Variants in CEP170 observed in about 807,000 individuals in gnomAD.
The protein encoded by CEP170 is centrosomal protein 170, also known as centrosomal protein of 170 kDa.
CEP170 carries 21 observed loss-of-function variants against 151.9 expected under a neutral mutation model. That is an observed-to-expected ratio of 0.14 (90% CI 0.10 to 0.20). CEP170 has a LOEUF of 0.20. Among genes scored for constraint, CEP170 ranks in the 10% least tolerant of loss-of-function variants. CEP170 has a pLI of 1.00. For missense variants in CEP170, 964 were observed against 1,892.9 expected (o/e 0.51, Z 9.11); for synonymous variants, 356 against 648.8 (o/e 0.55, Z 6.86).
intron 10 of CEP170, among the ~76,000 whole-genome samples, chr1:243,178,308 C>CAAAAAAAAAAAA (rs869094317): frequency 2.6e-4 from 8 of 30,426 alleles, no homozygotes; most frequent in African/African-American, 1.3e-3. Flanking sequence ...GACTCTGCCT[C>CAAAAAAAAAAAA]AAAAAAAAAA....
chr1:243,191,713 G>A (rs1293201293), intron 7 of CEP170, among the ~76,000 whole-genome samples: 2 of 152,114 alleles, frequency 1.3e-5, no homozygotes, highest in African/African-American at 4.8e-5. Flanking sequence ...TGGAAGATAA[G>A]CAGCAGCAAT....
At chr1:243,141,936 T>C (rs2728235) in intron 15 of CEP170, among the ~76,000 whole-genome samples, 2 of 152,208 alleles carry the variant, frequency 1.3e-5, no homozygotes, top group Non-Finnish European at 2.9e-5. Context: ...AGTTAACTAG[T>C]GATAAAAATA....
Position 243,186,303 on chromosome 1 carries a change from G to A in CEP170, c.1228C>T (p.Leu410=), listed in dbSNP as rs774509701. 6.2e-7 allele frequency: 1 copy of A among 1,613,758 alleles called. No homozygotes were observed. The highest frequency in any genetic ancestry group is 1.3e-5 in the African/African-American group (1 of 75,042). The change falls in exon 9 of 20, where the codon CTA becomes TTA. Residue 410 remains leucine, a synonymous_variant. Transcript: ENST00000366542. ...LRRHHSEHKK[L]QKVQATEKHQ... ...TTTTCAGTAGCCTGGACCTTCTGTA[G>A]CTTTTTGTGTTCTGAATGGTGGCGT...
intron 14 of CEP170, among the ~76,000 whole-genome samples, chr1:243,155,136 C>T (rs2057432681): frequency 6.6e-6 from 1 of 152,178 alleles, no homozygotes; most frequent in African/African-American, 2.4e-5. Flanking sequence ...TCATTAATTA[C>T]TCTCCTAAAA....
At chr1:243,230,420 A>G (rs2063636696) in intron 1 of CEP170, among the ~76,000 whole-genome samples, 1 of 152,216 alleles carries the variant, frequency 6.6e-6, no homozygotes, top group African/African-American at 2.4e-5. Flanking sequence ...GTTAAAGCCC[A>G]TTGTAGTTAT....
intron 16 of CEP170, among the ~76,000 whole-genome samples, chr1:243,137,297 A>AT (rs2055208612): frequency 6.6e-6 from 1 of 152,214 alleles, no homozygotes; most frequent in Admixed American, 6.5e-5. Flanking sequence ...AACTCCTTAT[A>AT]TTGTCAGTAC....
Position 243,148,606 on chromosome 1 carries a change from G to A in CEP170, c.3912-6143C>T, listed in dbSNP as rs570296898. On this transcript the variant is annotated intron_variant, in intron 14 of 19. Coordinates refer to ENST00000366542, the MANE Select transcript of CEP170 (RefSeq NM_014812.3). ...TAACATAATTTTAAAAATTTATTTAGTATTTACAAAGCAATAGTTATGAAT... is the reference window on the plus strand; with the variant it reads ...TAACATAATTTTAAAAATTTATTTAATATTTACAAAGCAATAGTTATGAAT... Among the ~76,000 whole-genome samples the A allele has an allele frequency of 3.8e-4, 58 of 152,138 alleles. No homozygotes were observed. In the Middle Eastern group the frequency reaches 0.01, roughly 27 times the overall value.
rs1489126357 is a variant in CEP170, at chr1:243,255,250, C to A, written c.-252G>T. On this transcript the variant is annotated 5_prime_UTR_variant, in exon 1 of 20. Coordinates refer to ENST00000366542, the MANE Select transcript of CEP170 (RefSeq NM_014812.3). ...CACACATAGCGGTAACGGCAAAGAC[C>A]GACTGCCTAGTGCGCAGGCGCCTCG... 3 of 152,848 alleles carry A rather than the reference C, an allele frequency of 2.0e-5. No homozygotes were observed. Among genetic ancestry groups the A allele is most frequent in the Non-Finnish European group, 2.9e-5 (2 of 68,180 alleles). 9.5% of individuals were successfully genotyped at this position (152,848 alleles called of 1,614,324 possible). A position where few individuals can be genotyped will look rare whatever the true frequency, so the allele number is the denominator to read the frequency against.
At chr1:243,196,568 C>G (rs2060661231) in intron 7 of CEP170, among the ~76,000 whole-genome samples, 1 of 152,072 alleles carries the variant, frequency 6.6e-6, no homozygotes, top group Admixed American at 6.6e-5. Context: ...ATTTCAAAAG[C>G]TGTTTTGTGT....
At chr1:243,192,114 C>G (rs981231128) in intron 7 of CEP170, among the ~76,000 whole-genome samples, 1 of 152,124 alleles carries the variant, frequency 6.6e-6, no homozygotes, top group Non-Finnish European at 1.5e-5. Context: ...AAGATACAAA[C>G]ATTTTATAAA....
At chr1:243,160,597 T>C (rs1369367119) in intron 13 of CEP170, among the ~76,000 whole-genome samples, 2 of 152,174 alleles carry the variant, frequency 1.3e-5, no homozygotes, top group Non-Finnish European at 2.9e-5. Flanking sequence ...CATACAACTA[T>C]AGATTTTGCA....
chr1:243,156,335 G>C lies in CEP170; in HGVS notation c.3797C>G (p.Thr1266Ser), dbSNP rs2057549537. The change falls in exon 14 of 20, where the codon ACT becomes AGT. Residue 1266 changes from threonine (T) to serine (S), a missense_variant. Transcript: ENST00000366542. ...RLRTSPALKT[T>S]RLQSAGSAMP... ...TGCTGATCCAGCGCTCTGCAAGCGA[G>C]TGGTTTTCAGGGCTGGAGAAGTACG... 2.5e-6 allele frequency: 4 copies of C among 1,586,670 alleles called. No homozygotes were observed. The highest frequency in any genetic ancestry group is 3.4e-6 in the Non-Finnish European group (4 of 1,166,392).
chr1:243,201,100 A>G (rs1311124671), intron 4 of CEP170, among the ~76,000 whole-genome samples: 1 of 152,152 alleles, frequency 6.6e-6, no homozygotes, highest in Non-Finnish European at 1.5e-5. Flanking sequence ...AATTTATCAG[A>G]GCACAGAGAC....
At chr1:243,204,853 C>A (rs1229349710) in intron 4 of CEP170, among the ~76,000 whole-genome samples, 2 of 152,124 alleles carry the variant, frequency 1.3e-5, no homozygotes, top group African/African-American at 4.8e-5. Flanking sequence ...TGCCCCAAAT[C>A]AACTTCTCAA....
intron 13 of CEP170, 47 bp downstream of exon 13, chr1:243,164,237 C>G: frequency 7.4e-7 from 1 of 1,342,718 alleles, no homozygotes; most frequent in Non-Finnish European, 9.6e-7. Context: ...AAGGAGCCCC[C>G]AAATATACAA....
At chr1:243,237,022 T>C (rs2064316068) in intron 1 of CEP170, among the ~76,000 whole-genome samples, 1 of 152,212 alleles carries the variant, frequency 6.6e-6, no homozygotes, top group Admixed American at 6.5e-5. Flanking sequence ...ACAAATCATT[T>C]CCATTGCATT....
chr1:243,202,836 A>G (rs1558577371), intron 4 of CEP170, among the ~76,000 whole-genome samples: 2 of 152,054 alleles, frequency 1.3e-5, no homozygotes, highest in African/African-American at 2.4e-5. Context: ...AGTCATTACC[A>G]TTTTTTCCAT....
intron 19 of CEP170, among the ~76,000 whole-genome samples, chr1:243,127,782 C>T (rs1229179860): frequency 6.6e-6 from 1 of 152,114 alleles, no homozygotes; most frequent in Non-Finnish European, 1.5e-5. Context: ...TCACTTTCTT[C>T]TCTCCTTTCT....
At chr1:243,236,874 G>A (rs138860374) in intron 1 of CEP170, among the ~76,000 whole-genome samples, 3 of 152,128 alleles carry the variant, frequency 2.0e-5, no homozygotes, top group African/African-American at 4.8e-5. Context: ...CTTAGCTCAC[G>A]CAGGACAACA....
Sources: allele counts gnomAD v4.1 joint callset (sites outside exome capture counted in the v4.1 genomes callset), GRCh38; gene constraint gnomAD v4.1.1; transcripts MANE v1.5; gene names NCBI Gene and HGNC (gene_info 2026-07-23, HGNC 2026-07-21).